Variants in CSMD1 observed in about 807,000 individuals in gnomAD.
The protein encoded by CSMD1 is CUB and sushi domain-containing protein 1.
A neutral mutation model predicts 417.5 loss-of-function variants in CSMD1; 213 were observed. That is an observed-to-expected ratio of 0.51 (90% confidence interval 0.46 to 0.57). CSMD1 has a LOEUF of 0.57. Ranked by LOEUF, CSMD1 falls within the 20% of genes least tolerant of loss-of-function variation. The pLI is 0.00. For missense variants in CSMD1, 6,923 were observed against 4,529.7 expected, an observed-to-expected ratio of 1.53 and a Z score of -15.17; for synonymous variants, 2,862 against 1,736.8, an observed-to-expected ratio of 1.65 and a Z score of -16.11.
intron 3 of CSMD1, among the ~76,000 whole-genome samples, chr8:4,240,001 G>A (rs374800502): frequency 1.4e-4 from 21 of 152,282 alleles, no homozygotes; most frequent in African/African-American, 2.2e-4. Flanking sequence ...TACATAAGGC[G>A]TGTTCTGTGT....
intron 3 of CSMD1, among the ~76,000 whole-genome samples, chr8:4,329,865 CA>C (rs1799770261): frequency 6.6e-6 from 1 of 151,678 alleles, no homozygotes; most frequent in Non-Finnish European, 1.5e-5. Context: ...CACACACACA[CA>C]CACACACAGA....
At chr8:3,622,962 A>T (rs542194781) in intron 7 of CSMD1, among the ~76,000 whole-genome samples, 1 of 152,346 alleles carries the variant, frequency 6.6e-6, no homozygotes, top group African/African-American at 2.4e-5. Flanking sequence ...TTGTTGAATT[A>T]TATCTTTTCA....
intron 9 of CSMD1, among the ~76,000 whole-genome samples, chr8:3,579,481 G>T (rs544294522): frequency 2.0e-5 from 3 of 152,120 alleles, no homozygotes; most frequent in Non-Finnish European, 2.9e-5. Context: ...TTCAGGAGTC[G>T]CATTAGAAGC....
chr8:3,984,720 T>TC (rs1365346287), intron 5 of CSMD1, among the ~76,000 whole-genome samples: 6 of 55,046 alleles, frequency 1.1e-4, no homozygotes, highest in African/African-American at 3.7e-4. Context: ...TATATATATA[T>TC]ATATATATAT....
chr8:3,681,436 A>G (rs1799656096), intron 7 of CSMD1, among the ~76,000 whole-genome samples: 1 of 152,208 alleles, frequency 6.6e-6, no homozygotes, highest in Non-Finnish European at 1.5e-5. Flanking sequence ...ACTCCCATTG[A>G]CAATTGTTTC....
chr8:4,232,005 G>T (rs566911976), intron 3 of CSMD1, among the ~76,000 whole-genome samples: 4 of 151,996 alleles, frequency 2.6e-5, no homozygotes, highest in Admixed American at 6.6e-5. Context: ...CAAAGCCATC[G>T]ACATAGGACG....
chr8:4,166,690 G>A (rs371466698), intron 3 of CSMD1, among the ~76,000 whole-genome samples: 1 of 152,030 alleles, frequency 6.6e-6, no homozygotes, highest in Non-Finnish European at 1.5e-5. Context: ...CCAAAATCAA[G>A]AAAATCAGCT....
intron 1 of CSMD1, among the ~76,000 whole-genome samples, chr8:4,807,705 G>A (rs1221769485): frequency 2.6e-5 from 4 of 151,768 alleles, no homozygotes; most frequent in African/African-American, 9.7e-5. Flanking sequence ...TTTCTTATAT[G>A]TTAAACTGAA....
chr8:3,074,444 C>T (rs1405546390), intron 49 of CSMD1, among the ~76,000 whole-genome samples: 1 of 152,192 alleles, frequency 6.6e-6, no homozygotes, highest in Non-Finnish European at 1.5e-5. Context: ...CCCACCTCCT[C>T]TTAGGATTCT....
intron 8 of CSMD1, among the ~76,000 whole-genome samples, chr8:3,612,112 A>G (rs957350096): frequency 6.6e-6 from 1 of 152,154 alleles, no homozygotes; most frequent in Non-Finnish European, 1.5e-5. Flanking sequence ...ATAACAATCC[A>G]TATATTATAG....
intron 3 of CSMD1, among the ~76,000 whole-genome samples, chr8:4,390,778 T>A (rs1388376155): frequency 6.6e-6 from 1 of 151,886 alleles, no homozygotes; most frequent in Non-Finnish European, 1.5e-5. Flanking sequence ...TCTGACCTCG[T>A]GATCCACCTG....
At chr8:4,897,138 G>A (rs1804550508) in intron 1 of CSMD1, among the ~76,000 whole-genome samples, 1 of 151,946 alleles carries the variant, frequency 6.6e-6, no homozygotes, top group African/African-American at 2.4e-5. Flanking sequence ...TATGAGCAAG[G>A]CAGGTGCACG....
chr8:3,307,655 C>T (rs745720479), intron 25 of CSMD1, 40 bp downstream of exon 25: 21 of 1,595,414 alleles, frequency 1.3e-5, no homozygotes, highest in East Asian at 9.0e-5. Flanking sequence ...GAAGGCATAT[C>T]TCTTTTCTCA....
chr8:4,988,787 C>A (rs2977733), intron 1 of CSMD1, among the ~76,000 whole-genome samples: 4 of 152,110 alleles, frequency 2.6e-5, no homozygotes. Context: ...GAAAAGAGAA[C>A]TGTTTCACAC....
intron 1 of CSMD1, among the ~76,000 whole-genome samples, chr8:4,859,848 G>A (rs538693178): frequency 1.3e-5 from 2 of 152,264 alleles, no homozygotes; most frequent in Admixed American, 6.5e-5. Context: ...GGAAGTCAGT[G>A]TGGCGATTCC....
intron 12 of CSMD1, among the ~76,000 whole-genome samples, chr8:3,456,553 T>G (rs1003594032): frequency 6.6e-6 from 1 of 152,200 alleles, no homozygotes; most frequent in South Asian, 2.1e-4. Flanking sequence ...GTTTTTCACT[T>G]AGCATCATTG....
intron 3 of CSMD1, among the ~76,000 whole-genome samples, chr8:4,190,433 T>G (rs1299068132): frequency 1.3e-5 from 2 of 152,090 alleles, no homozygotes; most frequent in Non-Finnish European, 2.9e-5. Context: ...CTCATTAATG[T>G]GAATTGCTTA....
chr8:3,698,700 T>C (rs2623588), intron 7 of CSMD1, among the ~76,000 whole-genome samples: 19,522 of 152,232 alleles, frequency 0.13, 1,592 homozygotes, highest in African/African-American at 0.24. Context: ...AATATTATTG[T>C]GAAGCAAAAT....
chr8:4,189,196 T>C (rs1212377373), intron 3 of CSMD1, among the ~76,000 whole-genome samples: 1 of 152,236 alleles, frequency 6.6e-6, no homozygotes, highest in Non-Finnish European at 1.5e-5. Flanking sequence ...TGCCCAGCTA[T>C]GCAAACTCAT....
Sources: allele counts gnomAD v4.1 joint callset (sites outside exome capture counted in the v4.1 genomes callset), GRCh38; gene constraint gnomAD v4.1.1; transcripts MANE v1.5; gene names NCBI Gene and HGNC (gene_info 2026-07-23, HGNC 2026-07-21).